LGSN: variants seen among roughly 807,000 people sequenced by gnomAD.
LGSN encodes the protein lengsin, lens protein with glutamine synthetase domain, also known as lengsin.
A neutral mutation model predicts 19.5 loss-of-function variants in LGSN; 21 were observed. That is an observed-to-expected ratio of 1.07 (90% CI 0.76 to 1.55). The LOEUF is 1.55. LGSN is among the 40% of genes most tolerant of loss of function. The pLI is 0.00. For synonymous variants in LGSN, 257 were observed against 215.6 expected (o/e 1.19, Z -1.68); for missense variants, 673 against 608.5 (o/e 1.11, Z -1.12).
At chr6:63,549,256 G>A in the LGSN span, 3 of 748,374 alleles carry the variant, frequency 4.0e-6, no homozygotes, top group Non-Finnish European at 7.3e-6. Context: ...TCCAGGGCCT[G>A]GGTGAACTGG....
At chr6:63,480,932 A>C in the LGSN span, among the ~76,000 whole-genome samples, 27,003 of 130,700 alleles carry the variant, frequency 0.21, 3,853 homozygotes, top group Non-Finnish European at 0.28. Flanking sequence ...TGAGTGGATA[A>C]AGAAAATGAT....
the LGSN span, among the ~76,000 whole-genome samples, chr6:63,374,060 T>C: frequency 3.3e-5 from 5 of 152,144 alleles, no homozygotes; most frequent in African/African-American, 1.2e-4. Flanking sequence ...TGTACTATGG[T>C]TATGTTAGAA....
the LGSN span, among the ~76,000 whole-genome samples, chr6:63,555,692 C>T: frequency 3.7e-5 from 5 of 135,010 alleles, no homozygotes; most frequent in African/African-American, 1.1e-4. Context: ...CAATTACACT[C>T]TTTTTTTTTT....
chr6:63,521,046 A>T, the LGSN span, among the ~76,000 whole-genome samples: 6 of 152,090 alleles, frequency 3.9e-5, no homozygotes, highest in African/African-American at 1.4e-4. Flanking sequence ...GAACACATGG[A>T]CACAGGGAGG....
chr6:63,436,903 G>A, the LGSN span, among the ~76,000 whole-genome samples: 2,238 of 151,960 alleles, frequency 0.015, 46 homozygotes, highest in African/African-American at 0.052. Context: ...TGGGCATGGT[G>A]GTATGCACCT....
At chr6:63,501,117 G>A in the LGSN span, among the ~76,000 whole-genome samples, 2 of 152,012 alleles carry the variant, frequency 1.3e-5, no homozygotes, top group African/African-American at 2.4e-5. Context: ...CATGCCTATA[G>A]TCCCAGCACT....
At chr6:63,412,506 G>GAAAC in the LGSN span, among the ~76,000 whole-genome samples, 137 of 95,368 alleles carry the variant, frequency 1.4e-3, no homozygotes, top group African/African-American at 6.2e-3. Context: ...AAGAAAGAAA[G>GAAAC]AAAGAAAGAA....
At chr6:63,424,788 T>C in the LGSN span, among the ~76,000 whole-genome samples, 59 of 152,038 alleles carry the variant, frequency 3.9e-4, no homozygotes, top group African/African-American at 1.4e-3. Flanking sequence ...GCTGCGTGCC[T>C]GTAGTCCTAG....
At chr6:63,495,929 AT>A in the LGSN span, among the ~76,000 whole-genome samples, 1 of 150,910 alleles carries the variant, frequency 6.6e-6, no homozygotes, top group Non-Finnish European at 1.5e-5. Context: ...TAATTAATTA[AT>A]TTTTTTAAAA....
the LGSN span, among the ~76,000 whole-genome samples, chr6:63,390,418 T>A: frequency 6.6e-6 from 1 of 151,400 alleles, no homozygotes; most frequent in Non-Finnish European, 1.5e-5. Context: ...GTTTGAGCCA[T>A]TGTGCCAGCC....
intron 1 of LGSN, among the ~76,000 whole-genome samples, chr6:63,313,649 A>G (rs1768717467): frequency 6.6e-6 from 1 of 152,074 alleles, no homozygotes; most frequent in Non-Finnish European, 1.5e-5. Context: ...AGCCTGGCCA[A>G]CATAACAAGA....
the LGSN span, among the ~76,000 whole-genome samples, chr6:63,427,396 A>G: frequency 6.6e-6 from 1 of 152,062 alleles, no homozygotes. Flanking sequence ...CATCATGGTC[A>G]TTGCTATACC....
the LGSN span, among the ~76,000 whole-genome samples, chr6:63,344,969 A>T: frequency 2.6e-5 from 4 of 152,184 alleles, no homozygotes; most frequent in African/African-American, 9.6e-5. Flanking sequence ...GTGTTCATCA[A>T]AATCTACCAT....
chr6:63,340,544 T>G, the LGSN span, among the ~76,000 whole-genome samples: 1 of 152,114 alleles, frequency 6.6e-6, no homozygotes, highest in African/African-American at 2.4e-5. Flanking sequence ...TGATCTAGTC[T>G]ATTGTTGAAG....
chr6:63,572,738 G>C, the LGSN span: 2 of 398,336 alleles, frequency 5.0e-6, no homozygotes, highest in South Asian at 1.3e-4. Flanking sequence ...CCGTCGCATC[G>C]TCGCCTCTCG....
At chr6:63,293,756 C>T (rs144492263) in intron 2 of LGSN, 33 of 456,634 alleles carry the variant, frequency 7.2e-5, no homozygotes, top group Non-Finnish European at 1.2e-4. Context: ...CCTGAGAGTC[C>T]TTGTCATCAT....
At chr6:63,339,781 T>C in the LGSN span, among the ~76,000 whole-genome samples, 1 of 152,172 alleles carries the variant, frequency 6.6e-6, no homozygotes, top group South Asian at 2.1e-4. Context: ...TTTACTTTTA[T>C]GATTTGGTGG....
chr6:63,323,483 G>T (rs1448917844), upstream of LGSN, among the ~76,000 whole-genome samples: 6 of 149,114 alleles, frequency 4.0e-5, no homozygotes, highest in Admixed American at 4.1e-4. Context: ...TGTTGTCCTT[G>T]TTTCCTTCTT....
chr6:63,423,205 G>A, the LGSN span, among the ~76,000 whole-genome samples: 1 of 152,162 alleles, frequency 6.6e-6, no homozygotes, highest in African/African-American at 2.4e-5. Context: ...AATGAGCCAG[G>A]AGCAGTGGTG....
Sources: gnomAD v4.1 joint callset for allele counts (sites outside exome capture counted in the v4.1 genomes callset) on GRCh38, gnomAD v4.1.1 for gene constraint, MANE v1.5 for transcripts, NCBI Gene and HGNC (gene_info 2026-07-23, HGNC 2026-07-21) for gene names.